HORMAD2: variants seen among roughly 807,000 people sequenced by gnomAD.
The protein encoded by HORMAD2 is HORMA domain containing 2, also known as HORMA domain-containing protein 2.
Under a neutral mutation model 38.8 loss-of-function variants are expected in HORMAD2, and 45 were observed. The observed-to-expected ratio is 1.16, with a 90% CI of 0.91 to 1.49. HORMAD2 has a LOEUF of 1.49. Ranked by LOEUF, HORMAD2 falls within the 40% of genes most tolerant of loss-of-function variation. The pLI, the probability that HORMAD2 is intolerant of heterozygous loss-of-function variation, is 0.00. For synonymous variants in HORMAD2, 126 were observed against 122.8 expected (o/e 1.03, Z -0.17); for missense variants, 338 against 367.0 (o/e 0.92, Z 0.65).
intron 1 of HORMAD2, among the ~76,000 whole-genome samples, chr22:30,088,395 T>G (rs1041473029): frequency 6.6e-6 from 1 of 151,514 alleles, no homozygotes; most frequent in Non-Finnish European, 1.5e-5. Flanking sequence ...CTTGAATCCT[T>G]TCTCAATAGC....
At chr22:30,179,672 G>C (rs1176575473), downstream of HORMAD2, among the ~76,000 whole-genome samples, 1 of 152,154 alleles carries the variant, frequency 6.6e-6, no homozygotes, top group Non-Finnish European at 1.5e-5. Context: ...ACAGTAGGTG[G>C]TGGCTCACAG....
At position 30,140,548 on chromosome 22, in the gene HORMAD2, CTAAGT is replaced by C. The variant is rs369395320; in HGVS notation, c.819+18337_819+18341del. Among the ~76,000 whole-genome samples, 717 of 152,210 alleles carry C rather than the reference CTAAGT, an allele frequency of 4.7e-3. 7 individuals carry two copies. The highest frequency in any genetic ancestry group is 0.016 in the African/African-American group (679 of 41,550). ...GTAATTTAGGCAATTTCCATTTCAT[CTAAGT>C]TATCTAATTTATTGACATATTATTG... On this transcript the variant is annotated intron_variant, in intron 10 of 10. Transcript: ENST00000336726.
intron 10 of HORMAD2, among the ~76,000 whole-genome samples, chr22:30,150,005 AG>A (rs1924648976): frequency 6.6e-6 from 1 of 151,936 alleles, no homozygotes; most frequent in Non-Finnish European, 1.5e-5. Context: ...CCCTTGATGT[AG>A]GTCTATTTTT....
intron 4 of HORMAD2, among the ~76,000 whole-genome samples, chr22:30,103,807 G>A (rs1472169006): frequency 6.6e-6 from 1 of 151,234 alleles, no homozygotes; most frequent in Non-Finnish European, 1.5e-5. Flanking sequence ...GACTACAGGT[G>A]CATGCCACCA....
chr22:30,098,662 C>G (rs1920925284), intron 2 of HORMAD2, among the ~76,000 whole-genome samples, 190 bp from the exon 3 acceptor site: 1 of 152,152 alleles, frequency 6.6e-6, no homozygotes, highest in African/African-American at 2.4e-5. Flanking sequence ...ATTGTTTCTG[C>G]CTTCTGCTCT....
chr22:30,091,252 TTC>T (rs1221151970), intron 1 of HORMAD2, among the ~76,000 whole-genome samples: 3 of 145,758 alleles, frequency 2.1e-5, no homozygotes, highest in East Asian at 3.9e-4. Context: ...CTCTCTTTCT[TTC>T]TCTCTTTCTT....
chr22:30,164,172 A>G (rs1019218891), intron 10 of HORMAD2, among the ~76,000 whole-genome samples: 1 of 152,180 alleles, frequency 6.6e-6, no homozygotes, highest in African/African-American at 2.4e-5. Flanking sequence ...GTATGTATAT[A>G]CCATATTTTG....
intron 5 of HORMAD2, among the ~76,000 whole-genome samples, chr22:30,108,990 C>A (rs1921421705): frequency 6.7e-6 from 1 of 149,320 alleles, no homozygotes; most frequent in South Asian, 2.1e-4. Context: ...CTCTTTCCTT[C>A]CTTTCTTTCC....
chr22:30,100,449 G>T (rs1920935009), intron 3 of HORMAD2, among the ~76,000 whole-genome samples: 1 of 152,170 alleles, frequency 6.6e-6, no homozygotes, highest in Non-Finnish European at 1.5e-5. Context: ...ATGGATTAAA[G>T]ACTTAAATGT....
intron 10 of HORMAD2, among the ~76,000 whole-genome samples, chr22:30,130,912 A>AT (rs2146151992): frequency 6.6e-6 from 1 of 151,874 alleles, no homozygotes; most frequent in Admixed American, 6.6e-5. Flanking sequence ...TTCCTTCCTA[A>AT]TAGGGGTGTT....
intron 1 of HORMAD2, among the ~76,000 whole-genome samples, chr22:30,082,998 G>C (rs1033606981): frequency 1.3e-5 from 2 of 152,148 alleles, no homozygotes; most frequent in African/African-American, 4.8e-5. Flanking sequence ...GTCAGTTGCA[G>C]TGGCTCACAC....
intron 2 of HORMAD2, among the ~76,000 whole-genome samples, chr22:30,095,988 G>A (rs1277011668): frequency 6.6e-6 from 1 of 151,738 alleles, no homozygotes. Context: ...ACATCTAACA[G>A]CATAGATTAG....
intron 3 of HORMAD2, among the ~76,000 whole-genome samples, chr22:30,102,711 G>A (rs118018786): frequency 0.024 from 3,714 of 152,186 alleles, 59 homozygotes; most frequent in Non-Finnish European, 0.038. Flanking sequence ...TTACAGCTTC[G>A]ACCTTCCAGC....
intron 10 of HORMAD2, among the ~76,000 whole-genome samples, chr22:30,130,766 T>C (rs1221497647): frequency 6.6e-6 from 1 of 151,754 alleles, no homozygotes; most frequent in Non-Finnish European, 1.5e-5. Context: ...AATTTTTATA[T>C]GTTTTATAGA....
intron 1 of HORMAD2, among the ~76,000 whole-genome samples, chr22:30,083,896 A>T (rs2068526731): frequency 6.6e-6 from 1 of 152,182 alleles, no homozygotes; most frequent in Non-Finnish European, 1.5e-5. Flanking sequence ...TTTAGAAATA[A>T]GTAGGCAAGC....
chr22:30,138,726 G>T (rs1923842521), intron 10 of HORMAD2, among the ~76,000 whole-genome samples: 1 of 152,036 alleles, frequency 6.6e-6, no homozygotes, highest in Non-Finnish European at 1.5e-5. Flanking sequence ...TGAATAGTAT[G>T]TGAACTGCAC....
intron 10 of HORMAD2, among the ~76,000 whole-genome samples, chr22:30,138,857 G>C (rs575554023): frequency 6.6e-6 from 1 of 152,182 alleles, no homozygotes; most frequent in East Asian, 1.9e-4. Context: ...ACCTTGGTAG[G>C]ATAGTTAATT....
intron 5 of HORMAD2, among the ~76,000 whole-genome samples, chr22:30,109,186 G>A (rs879351645): frequency 6.6e-6 from 1 of 151,230 alleles, no homozygotes; most frequent in Non-Finnish European, 1.5e-5. Context: ...CACTACACCT[G>A]GCTAATTTTT....
chr22:30,086,784 G>GATATAT (rs150147330), intron 1 of HORMAD2, among the ~76,000 whole-genome samples: 3 of 149,564 alleles, frequency 2.0e-5, no homozygotes, highest in African/African-American at 7.3e-5. Context: ...ACACATTTGA[G>GATATAT]ATATATATAT....
Sources: allele counts gnomAD v4.1 joint callset (sites outside exome capture counted in the v4.1 genomes callset), GRCh38; gene constraint gnomAD v4.1.1; transcripts MANE v1.5; gene names NCBI Gene and HGNC (gene_info 2026-07-23, HGNC 2026-07-21).